PTBP3: variants seen among roughly 807,000 people sequenced by gnomAD.
PTBP3 encodes the protein polypyrimidine tract binding protein 3.
A neutral mutation model predicts 58.7 loss-of-function variants in PTBP3; 20 were observed. The ratio of observed to expected loss-of-function variants is 0.34; its 90% CI spans 0.24 to 0.50. The LOEUF (loss-of-function observed/expected upper bound fraction) is 0.50. PTBP3 is among the 20% of genes least tolerant of loss of function. PTBP3 has a pLI of 0.98. For synonymous variants in PTBP3, 185 were observed against 219.8 expected (o/e 0.84, Z 1.40); for missense variants, 509 against 637.2 (o/e 0.80, Z 2.17).
At chr9:112,336,733 C>A (rs1830580575), upstream of PTBP3, among the ~76,000 whole-genome samples, 1 of 151,960 alleles carries the variant, frequency 6.6e-6, no homozygotes, top group South Asian at 2.1e-4. Flanking sequence ...CTTTGCTATT[C>A]CAAATTTCAA....
At chr9:112,344,578 A>C in the PTBP3 span, among the ~76,000 whole-genome samples, 1 of 152,190 alleles carries the variant, frequency 6.6e-6, no homozygotes, top group East Asian at 1.9e-4. Flanking sequence ...TTTCTTTATA[A>C]ATTATCCAGT....
intron 7 of PTBP3, among the ~76,000 whole-genome samples, chr9:112,249,937 A>G (rs2132070193): frequency 6.6e-6 from 1 of 152,178 alleles, no homozygotes; most frequent in East Asian, 1.9e-4. Context: ...CAAATACAAA[A>G]CACAAAAATT....
At chr9:112,249,823 A>AT (rs11438998) in intron 7 of PTBP3, among the ~76,000 whole-genome samples, 83,007 of 148,582 alleles carry the variant, frequency 0.56, 24,854 homozygotes, top group African/African-American at 0.81. Context: ...TTGCCCCAGT[A>AT]TTTTTTTTTT....
At chr9:112,369,302 T>A in the PTBP3 span, among the ~76,000 whole-genome samples, 1 of 152,164 alleles carries the variant, frequency 6.6e-6, no homozygotes, top group African/African-American at 2.4e-5. Flanking sequence ...CCTGGAAAAG[T>A]CACAGACACT....
At chr9:112,322,766 A>G (rs573486778) in intron 1 of PTBP3, among the ~76,000 whole-genome samples, 23 of 152,256 alleles carry the variant, frequency 1.5e-4, no homozygotes, top group Non-Finnish European at 3.1e-4. Context: ...ATGGTTTAAA[A>G]TAACAACTTT....
chr9:112,333,527 G>A lies in PTBP3; in HGVS notation c.-109C>T, dbSNP rs1257397835. 12 of 1,565,814 alleles carry A rather than the reference G, an allele frequency of 7.7e-6. No homozygotes were observed. Among genetic ancestry groups the A allele is most frequent in the Non-Finnish European group, 1.0e-5 (12 of 1,154,370 alleles). On this transcript the variant is annotated 5_prime_UTR_variant, in exon 1 of 14. Transcript: ENST00000374257. Reference sequence around the variant, plus strand: ...GCAGGGACTGACGGGCTAACCGCGAGCAGAGGAAGCAGGCGGCGGCAGCAG... The same window carrying A: ...GCAGGGACTGACGGGCTAACCGCGAACAGAGGAAGCAGGCGGCGGCAGCAG...
chr9:112,320,314 A>ATTTTTTTTTT (rs67226574), intron 1 of PTBP3, among the ~76,000 whole-genome samples: 1 of 75,728 alleles, frequency 1.3e-5, no homozygotes, highest in Non-Finnish European at 2.3e-5. Context: ...ATATATATAT[A>ATTTTTTTTTT]TTTTTTTTTA....
intron 1 of PTBP3, among the ~76,000 whole-genome samples, chr9:112,328,307 A>G (rs1830236406): frequency 6.6e-6 from 1 of 152,216 alleles, no homozygotes; most frequent in African/African-American, 2.4e-5. Flanking sequence ...ATGGAATCCA[A>G]AAAGAACAAT....
At position 112,222,590 on chromosome 9, in the gene PTBP3, C is replaced by G; in HGVS notation, c.*1261G>C. 3.0e-6 allele frequency: 3 copies of G among 985,728 alleles called. No homozygotes were observed. The highest frequency in any genetic ancestry group is 3.6e-6 in the Non-Finnish European group (3 of 829,888). 61.1% of individuals were successfully genotyped at this position (985,728 alleles called of 1,614,324 possible). A position where few individuals can be genotyped will look rare whatever the true frequency, so the allele number is the denominator to read the frequency against. ...ACTGAATTATTCCCAAAACCATTCA[C>G]CCTTCCCCACACCGTCTCTGCACCA... On this transcript the variant is annotated 3_prime_UTR_variant, in exon 14 of 14. Coordinates refer to ENST00000374257, the MANE Select transcript of PTBP3 (RefSeq NM_001163788.4).
At chr9:112,337,510 G>T (rs901852378), upstream of PTBP3, among the ~76,000 whole-genome samples, 1 of 152,168 alleles carries the variant, frequency 6.6e-6, no homozygotes, top group Non-Finnish European at 1.5e-5. Context: ...TCTGGAATCA[G>T]ATATCTCAGA....
At chr9:112,379,849 C>T in the PTBP3 span, 6 of 511,624 alleles carry the variant, frequency 1.2e-5, no homozygotes, top group South Asian at 1.2e-4. Flanking sequence ...ACGCTAGGCG[C>T]CGACAGGAGC....
At chr9:112,370,447 G>A in the PTBP3 span, among the ~76,000 whole-genome samples, 1 of 152,102 alleles carries the variant, frequency 6.6e-6, no homozygotes, top group East Asian at 1.9e-4. Flanking sequence ...AGGCTGAGAT[G>A]GGAGGATCAC....
chr9:112,305,809 G>A (rs533179879), intron 1 of PTBP3, among the ~76,000 whole-genome samples: 90 of 152,192 alleles, frequency 5.9e-4, no homozygotes, highest in African/African-American at 2.1e-3. Context: ...GCGTGGTGAC[G>A]GACGCCTGTA....
Position 112,285,990 on chromosome 9 carries a change from T to C in PTBP3, c.35-9977A>G, listed in dbSNP as rs1018108484. On this transcript the variant is annotated intron_variant, in intron 2 of 13. Transcript: ENST00000374257. ...TTTACGTGTTTTGAAACTAGGTAAT[T>C]AGATTAAACAGATCTATATTTAGAT... is the stretch of plus-strand genomic sequence containing the variant. Among the ~76,000 whole-genome samples, 6 of 152,340 alleles carry C rather than the reference T, an allele frequency of 3.9e-5. No individual in the cohort carries two copies. The South Asian group carries it at 6.2e-4, about 16-fold the overall frequency.
At chr9:112,267,902 TG>T (rs1827167720) in intron 4 of PTBP3, 146 bp downstream of exon 4, 1 of 658,300 alleles carries the variant, frequency 1.5e-6, no homozygotes, top group Non-Finnish European at 2.2e-6. Flanking sequence ...TCTTAAGAAT[TG>T]GGGGGAAGAA....
chr9:112,308,858 C>G (rs764546348), intron 1 of PTBP3, among the ~76,000 whole-genome samples: 17 of 152,126 alleles, frequency 1.1e-4, no homozygotes, highest in Non-Finnish European at 2.5e-4. Context: ...TAAGTCAGCA[C>G]ACAATCAGCT....
At chr9:112,366,748 G>A in the PTBP3 span, among the ~76,000 whole-genome samples, 6 of 152,288 alleles carry the variant, frequency 3.9e-5, no homozygotes, top group Admixed American at 1.3e-4. Flanking sequence ...ACAGTCCTTA[G>A]TGGGGCACCA....
At chr9:112,369,614 G>A in the PTBP3 span, among the ~76,000 whole-genome samples, 1 of 152,138 alleles carries the variant, frequency 6.6e-6, no homozygotes, top group African/African-American at 2.4e-5. Flanking sequence ...GATTTTACAG[G>A]TTCATAGGTG....
At chr9:112,241,945 C>T (rs1330267502) in intron 7 of PTBP3, among the ~76,000 whole-genome samples, 1 of 152,168 alleles carries the variant, frequency 6.6e-6, no homozygotes, top group Non-Finnish European at 1.5e-5. Context: ...TCAGCATAAT[C>T]CCTTTGCCTT....
Sources: gnomAD v4.1 joint callset for allele counts (sites outside exome capture counted in the v4.1 genomes callset) on GRCh38, gnomAD v4.1.1 for gene constraint, MANE v1.5 for transcripts, NCBI Gene and HGNC (gene_info 2026-07-23, HGNC 2026-07-21) for gene names.